TENM4: variants seen among roughly 807,000 people sequenced by gnomAD.
TENM4 encodes teneurin transmembrane protein 4, also known as teneurin-4.
Under a neutral mutation model 243.3 loss-of-function variants are expected in TENM4, and 82 were observed. The ratio of observed to expected loss-of-function variants is 0.34; its 90% CI spans 0.28 to 0.40. The LOEUF is 0.40. Ranked by LOEUF, TENM4 falls within the 10% of genes least tolerant of loss-of-function variation. The pLI, the probability that TENM4 is intolerant of heterozygous loss-of-function variation, is 1.00. For synonymous variants in TENM4, 1,412 were observed against 1,456.3 expected (o/e 0.97, Z 0.69); for missense variants, 3,138 against 3,673.3 (o/e 0.85, Z 3.77).
chr11:79,208,973 G>A (rs765076139), intron 3 of TENM4, among the ~76,000 whole-genome samples: 3 of 152,102 alleles, frequency 2.0e-5, no homozygotes, highest in East Asian at 3.9e-4. Context: ...AACAACCCTC[G>A]GGCCACTACC....
chr11:79,433,198 C>T (rs1348944133), intron 1 of TENM4, among the ~76,000 whole-genome samples: 2 of 152,140 alleles, frequency 1.3e-5, no homozygotes, highest in African/African-American at 2.4e-5. Flanking sequence ...AGCTTGAAAT[C>T]TTGCTACTCC....
chr11:78,658,811 G>C lies in TENM4; in HGVS notation c.7557C>G (p.Ile2519Met), dbSNP rs199816257. Residue 2519 changes from isoleucine to methionine, a missense_variant, in exon 34 of 34, where the codon ATC (isoleucine) becomes ATG (methionine). Ile to Met is a conservative substitution (Grantham distance 10). Transcript: ENST00000278550. ...KTQEWDNSKS[I>M]LGVQCEVQKQ... ...TCTGTACTTCACACTGTACCCCGAG[G>C]ATAGACTGATGGGGGAGGAGAGTGA... 8.1e-6 allele frequency: 13 copies of C among 1,608,102 alleles called. No individual in the cohort carries two copies. The highest frequency in any genetic ancestry group is 1.1e-5 in the Non-Finnish European group (13 of 1,175,580).
chr11:79,344,541 A>G (rs1053657115), intron 1 of TENM4, among the ~76,000 whole-genome samples: 4 of 152,234 alleles, frequency 2.6e-5, no homozygotes, highest in African/African-American at 9.6e-5. Context: ...AGGGGTCTGC[A>G]TGCACCTGAC....
intron 12 of TENM4, among the ~76,000 whole-genome samples, chr11:78,817,685 T>G (rs1857637117): frequency 6.6e-6 from 1 of 152,234 alleles, no homozygotes; most frequent in Admixed American, 6.5e-5. Context: ...TTTAAGCTAC[T>G]GGGCTAATTG....
intron 1 of TENM4, among the ~76,000 whole-genome samples, chr11:79,414,178 ACAC>A (rs1858764253): frequency 1.3e-5 from 2 of 151,912 alleles, no homozygotes; most frequent in South Asian, 2.1e-4. Flanking sequence ...ACACACACAC[ACAC>A]ACGCACACAA....
intron 6 of TENM4, among the ~76,000 whole-genome samples, chr11:78,933,434 A>G (rs1856714566): frequency 6.6e-6 from 1 of 152,186 alleles, no homozygotes; most frequent in African/African-American, 2.4e-5. Context: ...TAGATCCTCA[A>G]TTAAGGCATA....
At chr11:78,813,304 G>GT (rs1857537816) in intron 13 of TENM4, among the ~76,000 whole-genome samples, 1 of 152,226 alleles carries the variant, frequency 6.6e-6, no homozygotes, top group Non-Finnish European at 1.5e-5. Flanking sequence ...GGACTCGGGT[G>GT]TAGTGTCACC....
At position 78,713,312 on chromosome 11, in the gene TENM4, T is replaced by C. The variant is rs575850568; in HGVS notation, c.3822-598A>G. On this transcript the variant is annotated intron_variant, in intron 25 of 33. Transcript: ENST00000278550. ...GGAGTCTCCCTCTGGCAGTCAGATATAAGTGAACTGCAGGATTAGTTTGTA... is the reference window on the plus strand; with the variant it reads ...GGAGTCTCCCTCTGGCAGTCAGATACAAGTGAACTGCAGGATTAGTTTGTA... Among the ~76,000 whole-genome samples, 21 of 152,252 alleles carry C rather than the reference T, an allele frequency of 1.4e-4. No homozygotes were observed. In the South Asian group the frequency reaches 4.1e-3, roughly 30 times the overall value.
In TENM4 at chr11:78,669,993, C is replaced by G; in HGVS notation, c.6352G>C (p.Glu2118Gln). ...YRYDDVSGKTEQFGKFGVIYY... is the reference protein window; with the variant it reads ...YRYDDVSGKTQQFGKFGVIYY... ...ATGACACCAAACTTCCCAAACTGCT[C>G]TGTCTTGCCTGACACATCATCATAG... Residue 2118 changes from glutamate (E) to glutamine (Q), a missense_variant, in exon 32 of 34, where the codon GAG (glutamate) becomes CAG (glutamine). Coordinates refer to ENST00000278550, the MANE Select transcript of TENM4 (RefSeq NM_001098816.3). The surrounding 1 kb of genome is among the most constrained non-coding windows in gnomAD (Gnocchi z 6.4). 6.2e-7 allele frequency: 1 copy of G among 1,613,934 alleles called. No individual in the cohort carries two copies. Among genetic ancestry groups the G allele is most frequent in the Non-Finnish European group, 8.5e-7 (1 of 1,179,876 alleles).
chr11:79,311,376 G>C (rs518419), intron 1 of TENM4, among the ~76,000 whole-genome samples: 1,598 of 152,206 alleles, frequency 0.01, 12 homozygotes, highest in Middle Eastern at 0.024. Flanking sequence ...TGCCCATTAA[G>C]TGCTGGTCTC....
At chr11:79,180,133 A>T (rs757785137) in intron 3 of TENM4, among the ~76,000 whole-genome samples, 1 of 151,692 alleles carries the variant, frequency 6.6e-6, no homozygotes, top group Admixed American at 6.6e-5. Context: ...GAAAACATTG[A>T]CTTTGCATCT....
chr11:79,124,926 T>C (rs1265909586), intron 4 of TENM4, among the ~76,000 whole-genome samples: 1 of 149,258 alleles, frequency 6.7e-6, no homozygotes, highest in Admixed American at 6.7e-5. Context: ...TGTGTGTATG[T>C]ATATATATAT....
chr11:78,814,202 G>A, intron 13 of TENM4, 92 bp downstream of exon 13: 1 of 1,241,428 alleles, frequency 8.1e-7, no homozygotes, highest in Admixed American at 2.4e-5. Context: ...TCAGAAGGTG[G>A]GCTGGATTCT....
intron 15 of TENM4, among the ~76,000 whole-genome samples, chr11:78,792,454 C>A (rs908058924): frequency 2.6e-5 from 4 of 152,104 alleles, no homozygotes; most frequent in Non-Finnish European, 5.9e-5. Flanking sequence ...ACTGTACAGG[C>A]CCTTGGAGAT....
intron 6 of TENM4, among the ~76,000 whole-genome samples, chr11:78,938,499 T>C (rs1856830957): frequency 6.6e-6 from 1 of 152,182 alleles, no homozygotes; most frequent in Non-Finnish European, 1.5e-5. Flanking sequence ...ATAGGCTCCG[T>C]GGTGCCCAGA....
intron 2 of TENM4, among the ~76,000 whole-genome samples, chr11:79,268,973 T>C (rs1855924321): frequency 6.6e-6 from 1 of 152,192 alleles, no homozygotes; most frequent in African/African-American, 2.4e-5. Flanking sequence ...ATCAAAAACA[T>C]ATATTAGATA....
intron 4 of TENM4, among the ~76,000 whole-genome samples, chr11:79,124,512 CTT>C (rs1861821712): frequency 6.6e-6 from 1 of 151,924 alleles, no homozygotes; most frequent in Non-Finnish European, 1.5e-5. Flanking sequence ...GACTGGCTCT[CTT>C]TGCTCCTCAG....
chr11:78,924,500 C>G (rs978168972), intron 6 of TENM4: 1 of 152,216 alleles, frequency 6.6e-6, no homozygotes, highest in Non-Finnish European at 1.5e-5. Flanking sequence ...CTACCACTTA[C>G]AGCAGTACAT....
At chr11:78,762,568 C>T (rs947774517) in intron 18 of TENM4, among the ~76,000 whole-genome samples, 1 of 152,124 alleles carries the variant, frequency 6.6e-6, no homozygotes, top group African/African-American at 2.4e-5. Context: ...GTGATTAATG[C>T]CTATACCTTC....
Sources: allele counts gnomAD v4.1 joint callset (sites outside exome capture counted in the v4.1 genomes callset), GRCh38; gene constraint gnomAD v4.1.1; non-coding constraint Gnocchi (gnomAD v3.1); transcripts MANE v1.5; gene names NCBI Gene and HGNC (gene_info 2026-07-23, HGNC 2026-07-21).